Variants in LYAR observed in about 807,000 individuals in gnomAD.
The protein encoded by LYAR is cell growth-regulating nucleolar protein.
LYAR carries 37 observed loss-of-function variants against 45.2 expected under a neutral mutation model. That is an observed-to-expected ratio of 0.82 (90% CI 0.63 to 1.08). LYAR has a LOEUF of 1.08. Among genes scored for constraint, LYAR ranks in the 50% least tolerant of loss-of-function variants. The pLI is 0.00. For missense variants in LYAR, 493 were observed against 451.0 expected (o/e 1.09, Z -0.84); for synonymous variants, 176 against 155.1 (o/e 1.14, Z -1.00).
intron 1 of LYAR, among the ~76,000 whole-genome samples, chr4:4,287,438 C>G (rs3775344): frequency 0.04 from 6,113 of 152,242 alleles, 451 homozygotes; most frequent in East Asian, 0.32. Context: ...TCTGTATGGT[C>G]AGTTTACTGA....
At position 4,274,439 on chromosome 4, in the gene LYAR, G is replaced by A; in HGVS notation, c.760C>T (p.Gln254Ter). 6.2e-7 allele frequency: 1 copy of A among 1,613,966 alleles called. No individual in the cohort carries two copies. Among genetic ancestry groups the A allele is most frequent in the Non-Finnish European group, 8.5e-7 (1 of 1,179,926 alleles). The change falls in exon 7 of 10, where the codon CAG (glutamine) becomes TAG (stop). Residue 254 changes from glutamine to a stop codon, truncating the protein, a stop_gained. Coordinates refer to ENST00000343470, the MANE Select transcript of LYAR (RefSeq NM_017816.3). LOFTEE classifies it high-confidence loss of function. ...TCCTCACTGGCGCTGTCCTTGCGCTGCTTCTTCTTCTTGCTCCTCTTCCCT... is the reference window on the plus strand; with the variant it reads ...TCCTCACTGGCGCTGTCCTTGCGCTACTTCTTCTTCTTGCTCCTCTTCCCT... ...SAGKRSKKKK[Q>*]RKDSASEEEA...
chr4:4,277,254 T>C (rs1719219173), intron 6 of LYAR, among the ~76,000 whole-genome samples: 1 of 151,762 alleles, frequency 6.6e-6, no homozygotes, highest in Non-Finnish European at 1.5e-5. Flanking sequence ...ACCATGTTGG[T>C]CAGGCTGGTC....
At chr4:4,268,664 G>C (rs370001049) in intron 8 of LYAR, 49 bp from the exon 9 acceptor site, 3 of 1,293,272 alleles carry the variant, frequency 2.3e-6, no homozygotes, top group Non-Finnish European at 3.3e-6. Context: ...GTTGTACTAC[G>C]AGAAGGGTAA....
chr4:4,288,684 C>A (rs753965164), intron 1 of LYAR, among the ~76,000 whole-genome samples: 1 of 152,124 alleles, frequency 6.6e-6, no homozygotes, highest in Admixed American at 6.5e-5. Context: ...CGGAGTTTCA[C>A]CATGTTGGCC....
chr4:4,289,208 G>A (rs989691644), intron 1 of LYAR, among the ~76,000 whole-genome samples: 8 of 152,134 alleles, frequency 5.3e-5, no homozygotes, highest in South Asian at 4.1e-4. Context: ...CTAAACAGAT[G>A]AGCAAACTGA....
At position 4,280,649 on chromosome 4, in the gene LYAR, C is replaced by T. The variant is rs184664555; in HGVS notation, c.238-900G>A. 2.1e-3 allele frequency among the ~76,000 whole-genome samples: 325 copies of T among 152,252 alleles called. 1 individual carries two copies. The highest frequency in any genetic ancestry group is 7.5e-3 in the African/African-American group (311 of 41,530). ...GCACCTCAACCTTAGGGTCTAGGAACGTCATCTGGTTTTTAGAGAATTACA... is the reference window on the plus strand; with the variant it reads ...GCACCTCAACCTTAGGGTCTAGGAATGTCATCTGGTTTTTAGAGAATTACA... On this transcript the variant is annotated intron_variant, in intron 4 of 9. Transcript: ENST00000343470.
At position 4,274,709 on chromosome 4, in the gene LYAR, C is replaced by T; in HGVS notation, c.490G>A (p.Glu164Lys). ...GAGGCTGGAACCTTGGTGGAGATTT[C>T]TGCATGTGGATTTGCCACTGGGTGG... ...PLHPVANPHA[E>K]ISTKVPASKV... The change falls in exon 7 of 10, where the codon GAA becomes AAA. Residue 164 changes from glutamate (E) to lysine (K), a missense_variant. Physicochemically the swap from Glu to Lys is moderately conservative, Grantham distance 56 (BLOSUM62 1). Coordinates refer to ENST00000343470, the MANE Select transcript of LYAR (RefSeq NM_017816.3). 1 of 1,613,700 alleles carries T rather than the reference C, an allele frequency of 6.2e-7. No individual in the cohort carries two copies. Among genetic ancestry groups the T allele is most frequent in the Non-Finnish European group, 8.5e-7 (1 of 1,179,954 alleles).
intron 2 of LYAR, among the ~76,000 whole-genome samples, chr4:4,284,591 T>C (rs566450412): frequency 2.0e-5 from 3 of 152,280 alleles, no homozygotes; most frequent in East Asian, 3.9e-4. Context: ...TCCCGAGCAC[T>C]GCCCCAAAAA....
At chr4:4,282,701 C>A (rs978070535) in intron 3 of LYAR, among the ~76,000 whole-genome samples, 3 of 152,188 alleles carry the variant, frequency 2.0e-5, no homozygotes, top group Non-Finnish European at 4.4e-5. Context: ...CTGCAAACGA[C>A]CCACCTGAAG....
At chr4:4,285,113 T>G (rs970084321) in intron 2 of LYAR, among the ~76,000 whole-genome samples, 2 of 152,312 alleles carry the variant, frequency 1.3e-5, no homozygotes, top group African/African-American at 4.8e-5. Flanking sequence ...GGAGGCCTCT[T>G]GCCCTGTGGG....
chr4:4,281,680 G>C, intron 4 of LYAR, 103 bp downstream of exon 4: 1 of 836,018 alleles, frequency 1.2e-6, no homozygotes, highest in South Asian at 1.5e-5. Flanking sequence ...GAGGTTTCCA[G>C]AGCTTGTCTG....
At chr4:4,288,261 A>T (rs1479229221) in intron 1 of LYAR, among the ~76,000 whole-genome samples, 3 of 150,552 alleles carry the variant, frequency 2.0e-5, no homozygotes, top group African/African-American at 7.3e-5. Flanking sequence ...CATCAATGCT[A>T]TTATACCCAG....
intron 8 of LYAR, among the ~76,000 whole-genome samples, chr4:4,270,481 T>A (rs1416460841): frequency 6.8e-6 from 1 of 146,704 alleles, no homozygotes; most frequent in Non-Finnish European, 1.5e-5. Flanking sequence ...AACTGTTATG[T>A]CCCACAAAGG....
intron 7 of LYAR, among the ~76,000 whole-genome samples, 182 bp downstream of exon 7, chr4:4,274,185 T>C (rs1467570014): frequency 2.0e-5 from 3 of 151,390 alleles, no homozygotes; most frequent in Non-Finnish European, 4.4e-5. Flanking sequence ...TGCAGTGAGC[T>C]GAGATCGTGC....
intron 8 of LYAR, among the ~76,000 whole-genome samples, chr4:4,273,050 C>T (rs1479915737): frequency 6.6e-6 from 1 of 152,082 alleles, no homozygotes; most frequent in Non-Finnish European, 1.5e-5. Context: ...CAGAAACAGG[C>T]CCAGAGATGG....
At chr4:4,278,510 A>G (rs1286724790) in intron 6 of LYAR, among the ~76,000 whole-genome samples, 1 of 152,162 alleles carries the variant, frequency 6.6e-6, no homozygotes, top group Non-Finnish European at 1.5e-5. Flanking sequence ...TACCAGAAGG[A>G]AGGCGCTTCA....
chr4:4,273,128 G>C (rs1177616783), intron 8 of LYAR, among the ~76,000 whole-genome samples: 1 of 152,192 alleles, frequency 6.6e-6, no homozygotes. Flanking sequence ...TTGGGGAGGA[G>C]CGAAAGGGAA....
chr4:4,275,938 C>T (rs562865250), intron 6 of LYAR, among the ~76,000 whole-genome samples: 6 of 152,282 alleles, frequency 3.9e-5, no homozygotes, highest in South Asian at 2.1e-4. Flanking sequence ...TCAGGTGATC[C>T]GCCCGACCTG....
chr4:4,280,924 C>A (rs1210005840), intron 4 of LYAR, among the ~76,000 whole-genome samples: 1 of 152,230 alleles, frequency 6.6e-6, no homozygotes, highest in African/African-American at 2.4e-5. Context: ...ATCCCACCTT[C>A]CTTTCTGAAT....
Sources: gnomAD v4.1 joint callset for allele counts (sites outside exome capture counted in the v4.1 genomes callset) on GRCh38, gnomAD v4.1.1 for gene constraint, MANE v1.5 for transcripts, NCBI Gene and HGNC (gene_info 2026-07-23, HGNC 2026-07-21) for gene names.